Variants in KCNJ3 observed in about 807,000 individuals in gnomAD.
The protein encoded by KCNJ3 is G protein-activated inward rectifier potassium channel 1.
In KCNJ3, 4 loss-of-function variants were observed where a neutral mutation model predicts 39.2. That is an observed-to-expected ratio of 0.10 (90% CI 0.05 to 0.23). The LOEUF (loss-of-function observed/expected upper bound fraction) is 0.23, where lower values mean the gene tolerates loss of function less well. Among genes scored for constraint, KCNJ3 ranks in the 10% least tolerant of loss-of-function variants. KCNJ3 has a pLI of 1.00. For synonymous variants in KCNJ3, 230 were observed against 237.4 expected, an observed-to-expected ratio of 0.97 and a Z score of 0.29; for missense variants, 276 against 634.9, an observed-to-expected ratio of 0.43 and a Z score of 6.08.
rs567718447 is a variant in KCNJ3 at position 154,734,248 on chromosome 2, G to A, written c.919+24429G>A. Reference sequence around the variant, plus strand: ...GTCTAACATTTTAAATGGCAAGGACGCCTTAGTTTGTCATAAGCTAACTGC... The same window carrying A: ...GTCTAACATTTTAAATGGCAAGGACACCTTAGTTTGTCATAAGCTAACTGC... On this transcript the variant is annotated intron_variant, in intron 2 of 2. Transcript: ENST00000295101. 5.3e-5 allele frequency among the ~76,000 whole-genome samples: 8 copies of A among 152,268 alleles called. No individual in the cohort carries two copies. In the South Asian group the frequency reaches 1.4e-3, roughly 28 times the overall value.
chr2:154,753,900 C>G (rs1685892128), intron 2 of KCNJ3, among the ~76,000 whole-genome samples: 1 of 152,068 alleles, frequency 6.6e-6, no homozygotes, highest in Non-Finnish European at 1.5e-5. Flanking sequence ...TAGCAGAGTT[C>G]CCACTTACAC....
intron 2 of KCNJ3, among the ~76,000 whole-genome samples, chr2:154,797,752 T>C (rs1686746782): frequency 6.6e-6 from 1 of 152,128 alleles, no homozygotes; most frequent in Non-Finnish European, 1.5e-5. Context: ...TAAAATATTT[T>C]ATGGAACATA....
intron 2 of KCNJ3, among the ~76,000 whole-genome samples, chr2:154,850,094 G>A (rs1687734009): frequency 8.3e-6 from 1 of 120,480 alleles, no homozygotes; most frequent in South Asian, 2.7e-4. Flanking sequence ...ATTTCCAGTA[G>A]CAGCATCTGT....
chr2:154,769,524 C>A (rs558222410), intron 2 of KCNJ3, among the ~76,000 whole-genome samples: 2 of 152,100 alleles, frequency 1.3e-5, no homozygotes, highest in Admixed American at 1.3e-4. Context: ...GCCTTACATC[C>A]CACGGATGAA....
At chr2:154,780,606 T>TG (rs1410459913) in intron 2 of KCNJ3, among the ~76,000 whole-genome samples, 2 of 149,132 alleles carry the variant, frequency 1.3e-5, no homozygotes, top group East Asian at 2.1e-4. Context: ...TGAGGGGGGT[T>TG]GGGGGTCAGG....
chr2:154,732,926 T>G (rs955213842), intron 2 of KCNJ3, among the ~76,000 whole-genome samples: 6 of 152,116 alleles, frequency 3.9e-5, no homozygotes, highest in African/African-American at 1.4e-4. Context: ...GGAAAATAAA[T>G]CAGATGTTTA....
At chr2:154,705,748 G>C (rs897003533) in intron 1 of KCNJ3, among the ~76,000 whole-genome samples, 62 of 151,996 alleles carry the variant, frequency 4.1e-4, no homozygotes, top group African/African-American at 1.4e-3. Flanking sequence ...TAATGTTCAC[G>C]TTATAATTTT....
At chr2:154,700,074 A>G (rs1684861492) in intron 1 of KCNJ3, among the ~76,000 whole-genome samples, 1 of 152,240 alleles carries the variant, frequency 6.6e-6, no homozygotes, top group Admixed American at 6.5e-5. Context: ...GTAAAGTGGA[A>G]GAAACCACAC....
chr2:154,853,560 A>G (rs2105142067), intron 2 of KCNJ3, among the ~76,000 whole-genome samples: 1 of 152,262 alleles, frequency 6.6e-6, no homozygotes, highest in African/African-American at 2.4e-5. Context: ...TTTAAAATTC[A>G]TCATTATCTT....
intron 2 of KCNJ3, among the ~76,000 whole-genome samples, chr2:154,773,693 T>C (rs1686282499): frequency 6.6e-6 from 1 of 152,154 alleles, no homozygotes. Context: ...CTCTCTTTTT[T>C]AGGTTGCACA....
chr2:154,829,147 G>C (rs893695453), intron 2 of KCNJ3, among the ~76,000 whole-genome samples: 2 of 152,078 alleles, frequency 1.3e-5, no homozygotes, highest in African/African-American at 4.8e-5. Flanking sequence ...GATATTGTAG[G>C]TTCAGGGGTA....
intron 2 of KCNJ3, among the ~76,000 whole-genome samples, chr2:154,771,241 G>T (rs749329566): frequency 1.3e-5 from 2 of 152,040 alleles, no homozygotes; most frequent in African/African-American, 4.8e-5. Flanking sequence ...ATCTGGAAGA[G>T]GAAGGGGAAA....
At chr2:154,782,048 G>A (rs1014053513) in intron 2 of KCNJ3, among the ~76,000 whole-genome samples, 2 of 152,156 alleles carry the variant, frequency 1.3e-5, no homozygotes, top group Non-Finnish European at 2.9e-5. Context: ...ATATTGAGGT[G>A]TATACAATTA....
At chr2:154,770,892 CTT>C (rs35293315) in intron 2 of KCNJ3, among the ~76,000 whole-genome samples, 136 of 127,646 alleles carry the variant, frequency 1.1e-3, no homozygotes, top group African/African-American at 3.4e-3. Flanking sequence ...TTTTCTTTTT[CTT>C]TTTTTTTTTT....
At chr2:154,733,309 C>T (rs964146728) in intron 2 of KCNJ3, among the ~76,000 whole-genome samples, 1 of 152,004 alleles carries the variant, frequency 6.6e-6, no homozygotes, top group Admixed American at 6.6e-5. Context: ...AGTCCTACTT[C>T]CTGCAAAATT....
chr2:154,728,649 C>G (rs1685400052), intron 2 of KCNJ3, among the ~76,000 whole-genome samples: 1 of 152,070 alleles, frequency 6.6e-6, no homozygotes, highest in South Asian at 2.1e-4. Flanking sequence ...TTAAAACTTG[C>G]CAATTTAAAA....
chr2:154,756,139 G>C (rs1369104714), intron 2 of KCNJ3, among the ~76,000 whole-genome samples: 3 of 151,990 alleles, frequency 2.0e-5, no homozygotes, highest in Non-Finnish European at 4.4e-5. Flanking sequence ...ATTGATATTT[G>C]ATCCATCCGT....
intron 2 of KCNJ3, among the ~76,000 whole-genome samples, chr2:154,744,759 G>A (rs1188743141): frequency 6.6e-6 from 1 of 151,678 alleles, no homozygotes; most frequent in African/African-American, 2.4e-5. Context: ...CCAACAACCA[G>A]GTACATGTCA....
chr2:154,788,444 G>C (rs549324417), intron 2 of KCNJ3, among the ~76,000 whole-genome samples: 1 of 152,056 alleles, frequency 6.6e-6, no homozygotes, highest in Non-Finnish European at 1.5e-5. Context: ...TGCTACAATT[G>C]TGAAAAATGG....
Sources: allele counts gnomAD v4.1 joint callset (sites outside exome capture counted in the v4.1 genomes callset), GRCh38; gene constraint gnomAD v4.1.1; transcripts MANE v1.5; gene names NCBI Gene and HGNC (gene_info 2026-07-23, HGNC 2026-07-21).